The following SGPP2 variants were observed in gnomAD, a reference collection of about 807,000 sequenced individuals.
SGPP2 encodes sphingosine-1-phosphate phosphatase 2, also known as sphingosine 1-phosphate phosphohydrolase 2.
SGPP2 carries 30 observed loss-of-function variants against 33.9 expected under a neutral mutation model. That is an observed-to-expected ratio of 0.89 (90% CI 0.66 to 1.20). The LOEUF (loss-of-function observed/expected upper bound fraction) is 1.20, where lower values mean the gene tolerates loss of function less well. SGPP2 is among the 50% of genes most tolerant of loss of function. The probability of loss-of-function intolerance (pLI) is 0.00; values close to 1 mark genes in which losing one functional copy is unlikely to be tolerated. For synonymous variants in SGPP2, 233 were observed against 225.0 expected, an observed-to-expected ratio of 1.04 and a Z score of -0.32; for missense variants, 458 against 532.1, an observed-to-expected ratio of 0.86 and a Z score of 1.37.
intron 1 of SGPP2, among the ~76,000 whole-genome samples, chr2:222,453,770 G>A (rs1697528916): frequency 6.6e-6 from 1 of 152,120 alleles, no homozygotes; most frequent in Non-Finnish European, 1.5e-5. Context: ...GTTAACAGTA[G>A]GCTATTAGTA....
chr2:222,453,166 T>G (rs1697518832), intron 1 of SGPP2: 7 of 784,510 alleles, frequency 8.9e-6, no homozygotes, highest in African/African-American at 1.7e-5. Flanking sequence ...GTGTGAGGCA[T>G]CTCAGCAGGA....
At chr2:222,442,190 C>T (rs1312771431) in intron 1 of SGPP2, among the ~76,000 whole-genome samples, 2 of 152,156 alleles carry the variant, frequency 1.3e-5, no homozygotes, top group Non-Finnish European at 2.9e-5. Flanking sequence ...ATCTCCTCTT[C>T]CCTCTGGTAT....
At position 222,449,799 on chromosome 2, in the gene SGPP2, TG is replaced by T. The variant is rs541713031; in HGVS notation, c.220-24768del. The stretch of plus-strand genomic sequence containing the variant: ...TAATTTTCTAAAAGCCAGTTATGTG[TG>T]TACCAAGGGGAATGTAGATCTGTGG... On this transcript the variant is annotated intron_variant, in intron 1 of 4. Transcript: ENST00000321276. Among the ~76,000 whole-genome samples the T allele has an allele frequency of 1.9e-4, 29 of 152,318 alleles. No homozygotes were observed. The East Asian group carries it at 5.2e-3, about 27-fold the overall frequency.
rs1277578306 is a variant in SGPP2 at position 222,424,689 on chromosome 2, A to G, written c.87A>G (p.Glu29=). Residue 29 remains glutamate (E), a synonymous_variant, in exon 1 of 5, where the codon GAA becomes GAG. Transcript: ENST00000321276. ...RRCGLFPAPD[E]GPRENGADPT... ...GCGGGCTCTTCCCCGCTCCGGATGA[A>G]GGCCCCCGGGAGAACGGCGCGGACC... 1 of 1,450,420 alleles carries G rather than the reference A, an allele frequency of 6.9e-7. No individual in the cohort carries two copies. The allele number at this position is 1,450,420 out of a possible 1,614,324, so 89.8% of individuals were successfully genotyped here.
intron 1 of SGPP2, among the ~76,000 whole-genome samples, chr2:222,459,870 T>C (rs6761317): frequency 0.25 from 38,314 of 152,126 alleles, 5,460 homozygotes; most frequent in Middle Eastern, 0.34. Context: ...ACTGCAAAAC[T>C]ATGTTCCTCT....
At chr2:222,426,267 A>C (rs983764325) in intron 1 of SGPP2, among the ~76,000 whole-genome samples, 1 of 151,890 alleles carries the variant, frequency 6.6e-6, no homozygotes, top group Non-Finnish European at 1.5e-5. Context: ...AACAAAAAAC[A>C]GTCCCATGGC....
intron 4 of SGPP2, among the ~76,000 whole-genome samples, chr2:222,532,931 G>A (rs1698860178): frequency 1.3e-5 from 2 of 152,090 alleles, no homozygotes; most frequent in South Asian, 2.1e-4. Context: ...TGGGGCCACC[G>A]TACCTCTGGG....
intron 2 of SGPP2, among the ~76,000 whole-genome samples, chr2:222,483,945 G>C (rs1698066852): frequency 6.6e-6 from 1 of 152,144 alleles, no homozygotes. Context: ...AACTTGCATT[G>C]AACGGAATAG....
At chr2:222,461,878 C>T (rs1697666075) in intron 1 of SGPP2, among the ~76,000 whole-genome samples, 1 of 152,102 alleles carries the variant, frequency 6.6e-6, no homozygotes, top group Non-Finnish European at 1.5e-5. Context: ...TTATCTCAAC[C>T]ACAGCTGGCT....
chr2:222,557,270 G>A (rs1216084316), intron 4 of SGPP2, among the ~76,000 whole-genome samples: 1 of 152,186 alleles, frequency 6.6e-6, no homozygotes, highest in African/African-American at 2.4e-5. Context: ...TTTGGTTCAC[G>A]TGGATCCTCT....
chr2:222,425,277 C>T (rs1220519373), intron 1 of SGPP2, among the ~76,000 whole-genome samples: 1 of 151,994 alleles, frequency 6.6e-6, no homozygotes, highest in South Asian at 2.1e-4. Context: ...TCAGCGCGCT[C>T]CTCACCGCGC....
intron 1 of SGPP2, among the ~76,000 whole-genome samples, chr2:222,443,940 T>A (rs1005985893): frequency 1.3e-5 from 2 of 152,228 alleles, no homozygotes; most frequent in African/African-American, 4.8e-5. Context: ...CTCCTAGAGT[T>A]CTGAGATGTA....
At chr2:222,503,358 G>T (rs1698395627) in intron 2 of SGPP2, among the ~76,000 whole-genome samples, 1 of 152,162 alleles carries the variant, frequency 6.6e-6, no homozygotes, top group African/African-American at 2.4e-5. Context: ...AAAATAAAGG[G>T]AAGAGAGCAT....
chr2:222,483,015 TAAAAC>T (rs59119060), intron 2 of SGPP2, among the ~76,000 whole-genome samples: 3,672 of 152,218 alleles, frequency 0.024, 157 homozygotes, highest in African/African-American at 0.083. Context: ...ATGTGACACT[TAAAAC>T]AGATTGATCC....
rs759328220 is a variant in SGPP2, at chr2:222,460,634, C to T, written c.220-13934C>T. Among the ~76,000 whole-genome samples, 8 of 152,302 alleles carry T rather than the reference C, an allele frequency of 5.3e-5. No homozygotes were observed. The highest frequency in any genetic ancestry group is 1.9e-4 in the East Asian group (1 of 5,188). ...AGTTCTAAACCCAGCCTCCTTATTACGACCTCCAGGGCTCTCCTCTCTGGC... is the reference window on the plus strand; with the variant it reads ...AGTTCTAAACCCAGCCTCCTTATTATGACCTCCAGGGCTCTCCTCTCTGGC... On this transcript the variant is annotated intron_variant, in intron 1 of 4. Transcript: ENST00000321276. The surrounding 1 kb of genome is among the most constrained non-coding windows in gnomAD (Gnocchi z 4.3).
rs149601760 is a variant in SGPP2, at chr2:222,520,451, C to G, written c.379-1316C>G. ...TCATTTTTAAAAACTCCATATTAGG[C>G]CAGGCATGGCAGCTCACGTCTGTAA... On this transcript the variant is annotated intron_variant, in intron 2 of 4. Coordinates refer to ENST00000321276, the MANE Select transcript of SGPP2 (RefSeq NM_152386.4). Among the ~76,000 whole-genome samples the G allele has an allele frequency of 2.1e-3, 326 of 152,228 alleles. 2 individuals are homozygous for G. The highest frequency in any genetic ancestry group is 7.6e-3 in the African/African-American group (316 of 41,530).
chr2:222,455,882 A>G (rs950398378), intron 1 of SGPP2, among the ~76,000 whole-genome samples: 2 of 152,192 alleles, frequency 1.3e-5, no homozygotes, highest in African/African-American at 4.8e-5. Flanking sequence ...AGCCTGGGCA[A>G]CAGAGTGAGA....
At position 222,444,194 on chromosome 2, in the gene SGPP2, T is replaced by C. The variant is rs546724082; in HGVS notation, c.219+19373T>C. 3.9e-5 allele frequency among the ~76,000 whole-genome samples: 6 copies of C among 152,350 alleles called. No individual in the cohort carries two copies. In the South Asian group the frequency reaches 1.2e-3, roughly 32 times the overall value. ...CTTGGGACCATACAGATGGTGCAGA[T>C]CTACTTTCTTATGCCACTTCATAAG... On this transcript the variant is annotated intron_variant, in intron 1 of 4. Coordinates refer to ENST00000321276, the MANE Select transcript of SGPP2 (RefSeq NM_152386.4).
intron 2 of SGPP2, among the ~76,000 whole-genome samples, chr2:222,475,770 C>T (rs956732949): frequency 2.2e-4 from 33 of 152,194 alleles, no homozygotes; most frequent in African/African-American, 6.0e-4. Context: ...ATTTGCAAGG[C>T]AGCAAGGCAT....
Sources: allele counts gnomAD v4.1 joint callset (sites outside exome capture counted in the v4.1 genomes callset), GRCh38; gene constraint gnomAD v4.1.1; non-coding constraint Gnocchi (gnomAD v3.1); transcripts MANE v1.5; gene names NCBI Gene and HGNC (gene_info 2026-07-23, HGNC 2026-07-21).